GAB2: variants seen among roughly 807,000 people sequenced by gnomAD.
GAB2 encodes GRB2 associated binding protein 2.
Under a neutral mutation model 65.5 loss-of-function variants are expected in GAB2, and 26 were observed. The ratio of observed to expected loss-of-function variants is 0.40; its 90% CI spans 0.29 to 0.55. The LOEUF is 0.55. Among genes scored for constraint, GAB2 ranks in the 20% least tolerant of loss-of-function variants. The pLI is 0.53. For missense variants in GAB2, 884 were observed against 875.8 expected (o/e 1.01, Z -0.12); for synonymous variants, 321 against 329.6 (o/e 0.97, Z 0.28).
At chr11:78,275,832 G>C (rs191515021) in intron 2 of GAB2, among the ~76,000 whole-genome samples, 1 of 151,524 alleles carries the variant, frequency 6.6e-6, no homozygotes, top group Non-Finnish European at 1.5e-5. Context: ...ATATATTTCC[G>C]GCCAGGCGTA....
At chr11:78,393,675 A>G (rs1856860641) in intron 1 of GAB2, among the ~76,000 whole-genome samples, 1 of 152,234 alleles carries the variant, frequency 6.6e-6, no homozygotes, top group South Asian at 2.1e-4. Flanking sequence ...TCATCACAGC[A>G]TTATCTATTA....
chr11:78,234,137 A>G (rs1043968075), intron 3 of GAB2, among the ~76,000 whole-genome samples: 5 of 151,984 alleles, frequency 3.3e-5, no homozygotes, highest in African/African-American at 1.2e-4. Flanking sequence ...CTGGAGTGCA[A>G]TGGAATGATC....
At position 78,307,604 on chromosome 11, in the gene GAB2, T is replaced by TAGAGAGAGAG. The variant is rs59402607; in HGVS notation, c.76-26713_76-26704dup. On this transcript the variant is annotated intron_variant, in intron 1 of 9. Coordinates refer to ENST00000361507, the MANE Select transcript of GAB2 (RefSeq NM_080491.3). ...GAGATCCCATCTCTACAAAAAATGT[T>TAGAGAGAGAG]AGAGAGAGAGAGAGAGAGAGAGAGA... 5.5e-3 allele frequency among the ~76,000 whole-genome samples: 666 copies of TAGAGAGAGAG among 121,914 alleles called. 21 individuals carry two copies. Among genetic ancestry groups the TAGAGAGAGAG allele is most frequent in the African/African-American group, 0.02 (546 of 27,516 alleles). 80.0% of individuals were successfully genotyped at this position (121,914 alleles called of 152,430 possible). A position where few individuals can be genotyped will look rare whatever the true frequency, so the allele number is the denominator to read the frequency against.
At chr11:78,221,297 T>C (rs963208281) in intron 8 of GAB2, among the ~76,000 whole-genome samples, 3 of 152,236 alleles carry the variant, frequency 2.0e-5, no homozygotes, top group African/African-American at 7.2e-5. Flanking sequence ...AGCTCTATTA[T>C]GGCCTCACCA....
At chr11:78,279,777 T>C (rs1590993953) in intron 2 of GAB2, among the ~76,000 whole-genome samples, 1 of 152,212 alleles carries the variant, frequency 6.6e-6, no homozygotes, top group African/African-American at 2.4e-5. Context: ...TAGTAATATA[T>C]ATGTATATAC....
At chr11:78,379,955 T>C (rs530849978) in intron 1 of GAB2, among the ~76,000 whole-genome samples, 1 of 152,322 alleles carries the variant, frequency 6.6e-6, no homozygotes, top group Admixed American at 6.5e-5. Flanking sequence ...TCAATACTCT[T>C]GATGGCATGC....
chr11:78,255,562 A>G (rs189516927), intron 2 of GAB2, among the ~76,000 whole-genome samples: 9 of 152,230 alleles, frequency 5.9e-5, no homozygotes, highest in African/African-American at 2.2e-4. Context: ...TCCAACCCCC[A>G]ATTCTGATGA....
intron 1 of GAB2, among the ~76,000 whole-genome samples, chr11:78,417,006 G>GT (rs1857205934): frequency 6.9e-6 from 1 of 144,582 alleles, no homozygotes; most frequent in African/African-American, 2.6e-5. Context: ...CCAAACTGCA[G>GT]TGTCACACCG....
At chr11:78,265,985 C>T (rs1358382706) in intron 2 of GAB2, among the ~76,000 whole-genome samples, 6 of 151,954 alleles carry the variant, frequency 3.9e-5, no homozygotes, top group Non-Finnish European at 7.4e-5. Flanking sequence ...GAGGCTGAGG[C>T]AGGTGGATAA....
At chr11:78,289,150 A>G (rs552240798) in intron 1 of GAB2, among the ~76,000 whole-genome samples, 20 of 152,356 alleles carry the variant, frequency 1.3e-4, no homozygotes, top group African/African-American at 4.8e-4. Context: ...CTGTAATCCC[A>G]GCACTTTGGG....
Position 78,223,547 on chromosome 11 carries a change from G to A in GAB2, c.1432C>T (p.Pro478Ser), listed in dbSNP as rs1213446450. Reference sequence around the variant, plus strand: ...AAGTGATGGGCCCCTGGGCTCATTGGGATGTAGACGCTCTGGGAATTATCA... The same window carrying A: ...AAGTGATGGGCCCCTGGGCTCATTGAGATGTAGACGCTCTGGGAATTATCA... Reference protein sequence around the residue: ...AGDNSQSVYIPMSPGAHHFDS... With the variant: ...AGDNSQSVYISMSPGAHHFDS... The change falls in exon 6 of 10, where the codon CCA (proline) becomes TCA (serine). Residue 478 changes from proline to serine, a missense_variant. By Grantham distance (74) the Pro-to-Ser change is moderately conservative. Transcript: ENST00000361507. 1 of 1,613,716 alleles carries A rather than the reference G, an allele frequency of 6.2e-7. No homozygotes were observed.
At chr11:78,309,926 A>ATGTGTGTGTGTGTGTGTGTGTGTGTGTG (rs60718900) in intron 1 of GAB2, among the ~76,000 whole-genome samples, 2 of 135,582 alleles carry the variant, frequency 1.5e-5, no homozygotes, top group African/African-American at 6.0e-5. Context: ...AGGGTTAGAA[A>ATGTGTGTGTGTGTGTGTGTGTGTGTGTG]TGTGTGTGTG....
intron 1 of GAB2, among the ~76,000 whole-genome samples, chr11:78,326,385 T>C (rs147210971): frequency 2.3e-3 from 345 of 152,326 alleles, no homozygotes; most frequent in African/African-American, 8.0e-3. Flanking sequence ...ACTTCATTTC[T>C]GCATTTATTT....
At chr11:78,292,703 C>G (rs1430079573) in intron 1 of GAB2, among the ~76,000 whole-genome samples, 3 of 152,186 alleles carry the variant, frequency 2.0e-5, no homozygotes, top group African/African-American at 7.2e-5. Flanking sequence ...GGCACACTTC[C>G]TGAGCGAGGA....
Position 78,226,841 on chromosome 11 carries a change from G to A in GAB2, c.831C>T (p.His277=), listed in dbSNP as rs1197195501. 2.5e-6 allele frequency: 4 copies of A among 1,613,680 alleles called. No homozygotes were observed. The highest frequency in any genetic ancestry group is 2.2e-5 in the East Asian group (1 of 44,882). ...DLPRSLASHG[H]TKGSLTGSET... ...CGGAGCCTGTGAGGCTGCCCTTGGT[G>A]TGGCCATGGGAGGCCAGGCTGCGGG... Residue 277 remains histidine, a synonymous_variant, in exon 4 of 10, where the codon CAC becomes CAT. Transcript: ENST00000361507.
At chr11:78,408,756 T>C (rs1857087404) in intron 1 of GAB2, among the ~76,000 whole-genome samples, 1 of 152,132 alleles carries the variant, frequency 6.6e-6, no homozygotes, top group Middle Eastern at 3.2e-3. Context: ...GAGTGAGTTA[T>C]TGTGAGATCT....
At chr11:78,286,883 G>A (rs558282476) in intron 1 of GAB2, among the ~76,000 whole-genome samples, 5 of 152,278 alleles carry the variant, frequency 3.3e-5, no homozygotes, top group Non-Finnish European at 7.3e-5. Flanking sequence ...ATAATGCAAG[G>A]AGAATACGGG....
intron 3 of GAB2, among the ~76,000 whole-genome samples, chr11:78,236,045 A>G (rs932353551): frequency 6.6e-6 from 1 of 152,228 alleles, no homozygotes; most frequent in African/African-American, 2.4e-5. Context: ...AAAAACTGCC[A>G]TCTAAATAAT....
At chr11:78,300,632 T>C (rs1269124510) in intron 1 of GAB2, among the ~76,000 whole-genome samples, 1 of 151,680 alleles carries the variant, frequency 6.6e-6, no homozygotes, top group East Asian at 1.9e-4. Flanking sequence ...TTGGTCATTA[T>C]GGCGACTGTA....
Sources: allele counts gnomAD v4.1 joint callset (sites outside exome capture counted in the v4.1 genomes callset), GRCh38; gene constraint gnomAD v4.1.1; transcripts MANE v1.5; gene names NCBI Gene and HGNC (gene_info 2026-07-23, HGNC 2026-07-21).